Variants in ESR1 observed in about 807,000 individuals in gnomAD.
The protein encoded by ESR1 is estrogen receptor.
Under a neutral mutation model 52.7 loss-of-function variants are expected in ESR1, and 12 were observed. The observed-to-expected ratio is 0.23, with a 90% CI of 0.15 to 0.37. ESR1 has a LOEUF of 0.37. Ranked by LOEUF, ESR1 falls within the 10% of genes least tolerant of loss-of-function variation. ESR1 has a pLI of 1.00. For synonymous variants in ESR1, 305 were observed against 316.8 expected, an observed-to-expected ratio of 0.96 and a Z score of 0.39; for missense variants, 584 against 779.7, an observed-to-expected ratio of 0.75 and a Z score of 2.99.
chr6:152,059,052 A>G (rs557044726), intron 5 of ESR1, among the ~76,000 whole-genome samples: 294 of 152,318 alleles, frequency 1.9e-3, no homozygotes, highest in Non-Finnish European at 3.5e-3. Flanking sequence ...AGTTGAAAAA[A>G]TATTAATTGG....
intron 3 of ESR1, among the ~76,000 whole-genome samples, chr6:151,910,888 G>A (rs1798161745): frequency 6.6e-6 from 1 of 152,192 alleles, no homozygotes; most frequent in African/African-American, 2.4e-5. Flanking sequence ...CTGGACGACA[G>A]TATTTCCATG....
chr6:151,911,510 A>G (rs1798254724), intron 3 of ESR1, among the ~76,000 whole-genome samples: 1 of 152,094 alleles, frequency 6.6e-6, no homozygotes, highest in Admixed American at 6.5e-5. Flanking sequence ...ATTTCCCTGC[A>G]TCTTTACAGC....
intron 2 of ESR1, among the ~76,000 whole-genome samples, chr6:151,869,040 G>A (rs1790473611): frequency 6.6e-6 from 1 of 152,118 alleles, no homozygotes; most frequent in African/African-American, 2.4e-5. Context: ...TTGGAAGATG[G>A]AAAATGGACT....
intron 5 of ESR1, among the ~76,000 whole-genome samples, chr6:152,036,739 A>G (rs1400476257): frequency 2.6e-5 from 4 of 152,230 alleles, no homozygotes; most frequent in South Asian, 4.1e-4. Context: ...GGAGTTTTCT[A>G]TAGTATGTAA....
Position 151,852,555 on chromosome 6 carries a change from A to G in ESR1, c.643+9768A>G, listed in dbSNP as rs116303441. Among the ~76,000 whole-genome samples, 1,150 of 152,092 alleles carry G rather than the reference A, an allele frequency of 7.6e-3. 20 individuals are homozygous for G. Among genetic ancestry groups the G allele is most frequent in the African/African-American group, 0.027 (1,115 of 41,514 alleles). ...TACAATTCAGAAAGAACATCCTGCT[A>G]CCAGCACATTAAGCTGTACAAATAG... On this transcript the variant is annotated intron_variant, in intron 2 of 7. Coordinates refer to ENST00000206249, the MANE Select transcript of ESR1 (RefSeq NM_000125.4).
intron 4 of ESR1, among the ~76,000 whole-genome samples, chr6:152,006,243 G>T (rs1360769113): frequency 6.6e-6 from 1 of 151,990 alleles, no homozygotes; most frequent in Non-Finnish European, 1.5e-5. Context: ...AGAGTTGTTT[G>T]TGACATTCTT....
chr6:152,013,532 T>G (rs911179350), intron 5 of ESR1, among the ~76,000 whole-genome samples: 1 of 152,192 alleles, frequency 6.6e-6, no homozygotes, highest in Admixed American at 6.6e-5. Flanking sequence ...ACATATAATG[T>G]GTGGTGATCT....
intron 4 of ESR1, among the ~76,000 whole-genome samples, chr6:151,977,021 A>T (rs1306495637): frequency 1.3e-5 from 2 of 152,106 alleles, no homozygotes. Flanking sequence ...TGCCATGAAA[A>T]ACCCACTGAA....
At chr6:152,023,889 A>G (rs1172050886) in intron 5 of ESR1, among the ~76,000 whole-genome samples, 7 of 152,110 alleles carry the variant, frequency 4.6e-5, no homozygotes, top group African/African-American at 1.7e-4. Flanking sequence ...CTTACCAAAT[A>G]CGACTCCCTT....
chr6:151,845,040 C>T (rs573753197), intron 2 of ESR1, among the ~76,000 whole-genome samples: 52 of 151,620 alleles, frequency 3.4e-4, no homozygotes, highest in Admixed American at 1.6e-3. Context: ...GATCTTCCTC[C>T]GAGAAACAAT....
chr6:151,765,714 G>A (rs1001061641), intron 2 of ESR1, among the ~76,000 whole-genome samples: 4 of 152,162 alleles, frequency 2.6e-5, no homozygotes, highest in African/African-American at 9.7e-5. Flanking sequence ...GAAAGAGTCT[G>A]AATTATCTGG....
intron 1 of ESR1, among the ~76,000 whole-genome samples, chr6:151,825,306 T>TG (rs1781294651): frequency 6.6e-6 from 1 of 152,130 alleles, no homozygotes; most frequent in Non-Finnish European, 1.5e-5. Context: ...CTTGTGGGAC[T>TG]GGGGCTCTCC....
intron 5 of ESR1, among the ~76,000 whole-genome samples, chr6:152,023,769 T>C (rs2043888344): frequency 6.6e-6 from 1 of 152,206 alleles, no homozygotes; most frequent in Non-Finnish European, 1.5e-5. Context: ...TGTAGCTGTC[T>C]GGATATATCT....
chr6:151,930,075 C>A (rs2128482657), intron 3 of ESR1, among the ~76,000 whole-genome samples: 1 of 152,030 alleles, frequency 6.6e-6, no homozygotes, highest in East Asian at 1.9e-4. Flanking sequence ...CCTCTGCCTC[C>A]TGGGTTCAAG....
chr6:151,849,978 T>TTTTA (rs1379035644), intron 2 of ESR1, among the ~76,000 whole-genome samples: 1 of 84,132 alleles, frequency 1.2e-5, no homozygotes. Flanking sequence ...TCCTAGGGAA[T>TTTTA]TATATATATA....
At chr6:151,663,393 C>T (rs1777707882) in intron 1 of ESR1, among the ~76,000 whole-genome samples, 1 of 152,130 alleles carries the variant, frequency 6.6e-6, no homozygotes, top group Non-Finnish European at 1.5e-5. Context: ...GAAAGCAGTC[C>T]TATTGTCAGC....
intron 2 of ESR1, among the ~76,000 whole-genome samples, chr6:151,869,925 T>C (rs965152011): frequency 6.6e-6 from 1 of 152,180 alleles, no homozygotes; most frequent in African/African-American, 2.4e-5. Context: ...AGGCATGCCA[T>C]TTTTATTTGC....
At position 152,094,982 on chromosome 6, in the gene ESR1, T is replaced by C. The variant is rs951404315; in HGVS notation, c.1553+414T>C. 2.0e-5 allele frequency among the ~76,000 whole-genome samples: 3 copies of C among 152,102 alleles called. No homozygotes were observed. Among genetic ancestry groups the C allele is most frequent in the African/African-American group, 7.2e-5 (3 of 41,404 alleles). On this transcript the variant is annotated intron_variant, in intron 7 of 7. Coordinates refer to ENST00000206249, the MANE Select transcript of ESR1 (RefSeq NM_000125.4). This position sits in a 1 kb window ranked among gnomAD's most constrained non-coding sequence, Gnocchi z 4.6. Reference sequence around the variant, plus strand: ...ATGAGAGACCCTGGGGCCAGATGCCTCACGGAGAGTCAATGTTGACTCCTT... The same window carrying C: ...ATGAGAGACCCTGGGGCCAGATGCCCCACGGAGAGTCAATGTTGACTCCTT...
intron 2 of ESR1, among the ~76,000 whole-genome samples, chr6:151,878,889 A>G (rs757547899): frequency 6.6e-6 from 1 of 152,154 alleles, no homozygotes; most frequent in Non-Finnish European, 1.5e-5. Flanking sequence ...GGATAAAGGG[A>G]TGGAGGTGAC....
Sources: gnomAD v4.1 joint callset for allele counts (sites outside exome capture counted in the v4.1 genomes callset) on GRCh38, gnomAD v4.1.1 for gene constraint, Gnocchi (gnomAD v3.1) non-coding constraint, MANE v1.5 for transcripts, NCBI Gene and HGNC (gene_info 2026-07-23, HGNC 2026-07-21) for gene names.